Variants in PLA2G15 observed in about 807,000 individuals in gnomAD.
PLA2G15 encodes lysosomal phospholipase A and acyltransferase.
Under a neutral mutation model 40.9 loss-of-function variants are expected in PLA2G15, and 20 were observed. The observed-to-expected ratio is 0.49, with a 90% CI of 0.34 to 0.71. The LOEUF is 0.71. Ranked by LOEUF, PLA2G15 falls within the 30% of genes least tolerant of loss-of-function variation. PLA2G15 has a pLI of 0.01. For synonymous variants in PLA2G15, 223 were observed against 228.2 expected (o/e 0.98, Z 0.21); for missense variants, 471 against 541.9 (o/e 0.87, Z 1.30).
At chr16:68,249,605 A>G (rs561416602) in intron 2 of PLA2G15, among the ~76,000 whole-genome samples, 159 bp downstream of exon 2, 1 of 151,396 alleles carries the variant, frequency 6.6e-6, no homozygotes, top group South Asian at 2.1e-4. Context: ...CCACCTCTGC[A>G]CTCCCAGGCA....
At chr16:68,245,702 T>C in intron 1 of PLA2G15, 149 bp downstream of exon 1, 2 of 953,286 alleles carry the variant, frequency 2.1e-6, no homozygotes, top group East Asian at 2.6e-5. Flanking sequence ...ATCTGCCGGC[T>C]CACCTCCCGC....
intron 5 of PLA2G15, among the ~76,000 whole-genome samples, chr16:68,257,780 C>T (rs1323883823): frequency 3.3e-5 from 5 of 152,188 alleles, no homozygotes; most frequent in Admixed American, 2.0e-4. Context: ...CCTGGAGGGA[C>T]GGATGTGGGC....
At position 68,259,935 on chromosome 16, in the gene PLA2G15, C is replaced by T. The variant is rs928201418; in HGVS notation, c.*278C>T. The T allele has an allele frequency of 1.8e-5, 9 of 495,730 alleles. No homozygotes were observed. Among genetic ancestry groups the T allele is most frequent in the African/African-American group, 1.7e-4 (9 of 51,676 alleles). 30.7% of individuals were successfully genotyped at this position (495,730 alleles called of 1,614,324 possible). The stretch of plus-strand genomic sequence containing the variant: ...CTTAGGACTGGCTCCACAGGGTGGA[C>T]TGGCTGGGCCCTGGTCCCAGTCCCT... On this transcript the variant is annotated 3_prime_UTR_variant, in exon 6 of 6. Transcript: ENST00000219345. This position sits in a 1 kb window ranked among gnomAD's most constrained non-coding sequence, Gnocchi z 6.5.
Position 68,255,160 on chromosome 16 carries a change from G to A in PLA2G15, c.404-122G>A. 1 of 970,880 alleles carries A rather than the reference G, an allele frequency of 1.0e-6. No homozygotes were observed. The highest frequency in any genetic ancestry group is 1.7e-6 in the Non-Finnish European group (1 of 605,872). 60.1% of individuals were successfully genotyped at this position (970,880 alleles called of 1,614,324 possible). ...CTGTGAGCTGTCTCTGATCAGCGTGGGCACAGAGCCCTGTAGCATTCTTCC... is the reference window on the plus strand; with the variant it reads ...CTGTGAGCTGTCTCTGATCAGCGTGAGCACAGAGCCCTGTAGCATTCTTCC... On this transcript the variant is annotated intron_variant, in intron 3 of 5. Coordinates refer to ENST00000219345, the MANE Select transcript of PLA2G15 (RefSeq NM_012320.4). The surrounding 1 kb of genome is among the most constrained non-coding windows in gnomAD (Gnocchi z 5.9).
At chr16:68,245,772 A>T (rs1349094884) in intron 1 of PLA2G15, among the ~76,000 whole-genome samples, 1 of 152,076 alleles carries the variant, frequency 6.6e-6, no homozygotes, top group Non-Finnish European at 1.5e-5. Flanking sequence ...AATGGGGGTG[A>T]GTGGGAGAGT....
At chr16:68,252,934 C>T (rs2042367416) in intron 2 of PLA2G15, among the ~76,000 whole-genome samples, 1 of 152,184 alleles carries the variant, frequency 6.6e-6, no homozygotes, top group South Asian at 2.1e-4. Context: ...GATCTCCTCA[C>T]TGTGCTGCAG....
intron 2 of PLA2G15, chr16:68,250,258 A>G (rs1478440858): frequency 6.3e-6 from 2 of 316,336 alleles, no homozygotes; most frequent in Admixed American, 4.5e-5. Context: ...TCGGCTCACA[A>G]CTCTTTTTTT....
rs1211559879 is a variant in PLA2G15 at position 68,255,971 on chromosome 16, C to A, written c.708C>A (p.Thr236=). 2.5e-6 allele frequency: 4 copies of A among 1,604,656 alleles called. No homozygotes were observed. In the African/African-American group the frequency reaches 4.0e-5, roughly 16 times the overall value. ...CGCCCTGGGGGGGCGTGGCCAAGAC[C>A]CTGCGCGTCCTGGCTTCAGGTAAGA... ...LGAPWGGVAK[T]LRVLASGDNN... The change falls in exon 5 of 6, where the codon ACC becomes ACA. Residue 236 remains threonine, a synonymous_variant. Transcript: ENST00000219345. The surrounding 1 kb of genome is among the most constrained non-coding windows in gnomAD (Gnocchi z 5.9).
chr16:68,256,986 T>G (rs1423475129), intron 5 of PLA2G15, among the ~76,000 whole-genome samples: 1 of 150,786 alleles, frequency 6.6e-6, no homozygotes, highest in Non-Finnish European at 1.5e-5. Flanking sequence ...GTTCAAGTGA[T>G]TCTCCTGCCT....
chr16:68,253,425 G>A, intron 2 of PLA2G15: 1 of 437,496 alleles, frequency 2.3e-6, no homozygotes, highest in Admixed American at 2.5e-5. Flanking sequence ...TGCCCAGGCT[G>A]GAGTGCAGTG....
Position 68,249,355 on chromosome 16 carries a change from T to A in PLA2G15, c.193T>A (p.Cys65Ser). The A allele has an allele frequency of 6.2e-7, 1 of 1,614,158 alleles. No homozygotes were observed. The highest frequency in any genetic ancestry group is 8.5e-7 in the Non-Finnish European group (1 of 1,180,006). ...LDKPTVVHYL[C>S]SKKTESYFTI... ...CAAGCCGACAGTGGTGCACTACCTC[T>A]GCTCCAAGAAGACCGAAAGCTACTT... The change falls in exon 2 of 6, where the codon TGC becomes AGC. Residue 65 changes from cysteine (C) to serine (S), a missense_variant. By Grantham distance (112) the Cys-to-Ser change is moderately radical. Transcript: ENST00000219345.
chr16:68,259,339 C>T lies in PLA2G15; in HGVS notation c.921C>T (p.Gly307=), dbSNP rs1012498523. 1 of 1,613,938 alleles carries T rather than the reference C, an allele frequency of 6.2e-7. No homozygotes were observed. Among genetic ancestry groups the T allele is most frequent in the African/African-American group, 1.3e-5 (1 of 74,956 alleles). Residue 307 remains glycine, a synonymous_variant, in exon 6 of 6, where the codon GGC becomes GGT. Transcript: ENST00000219345. The surrounding 1 kb of genome is among the most constrained non-coding windows in gnomAD (Gnocchi z 6.5). ...TCCAGGACATCGGCTTTGAAGATGG[C>T]TGGCTCATGCGGCAGGACACAGAAG... The part of the protein sequence containing the change: ...KFFQDIGFED[G]WLMRQDTEGL...
intron 2 of PLA2G15, chr16:68,250,459 G>T: frequency 4.4e-6 from 1 of 228,154 alleles, no homozygotes; most frequent in South Asian, 4.1e-5. Context: ...TTTTAGTAGA[G>T]ACAGGGTTTC....
In PLA2G15 at chr16:68,245,413, G is replaced by A; in HGVS notation, c.-14G>A. ...TGAACCTGCATCCCGGACCTGCGGC[G>A]ACCGTCGTACACCATGGGCCTCCAC... On this transcript the variant is annotated 5_prime_UTR_variant, in exon 1 of 6. Coordinates refer to ENST00000219345, the MANE Select transcript of PLA2G15 (RefSeq NM_012320.4). 6.2e-7 allele frequency: 1 copy of A among 1,601,728 alleles called. No homozygotes were observed. The highest frequency in any genetic ancestry group is 1.1e-5 in the South Asian group (1 of 91,030).
In PLA2G15 at chr16:68,254,971, G is replaced by A. The variant is rs768516163; in HGVS notation, c.337G>A (p.Val113Ile). 3.7e-6 allele frequency: 6 copies of A among 1,614,066 alleles called. No homozygotes were observed. In the South Asian group the frequency reaches 4.4e-5, roughly 12 times the overall value. Residue 113 changes from valine (V) to isoleucine (I), a missense_variant, in exon 3 of 6, where the codon GTA (valine) becomes ATA (isoleucine). By Grantham distance (29) the Val-to-Ile change is conservative. Transcript: ENST00000219345. ...RATQFPDGVD[V>I]RVPGFGKTFS... ...CACCCAGTTTCCTGATGGTGTGGAT[G>A]TACGTGTCCCTGGCTTTGGGAAGAC...
At position 68,259,546 on chromosome 16, in the gene PLA2G15, C is replaced by T; in HGVS notation, c.1128C>T (p.Ser376=). 1 of 1,613,316 alleles carries T rather than the reference C, an allele frequency of 6.2e-7. No homozygotes were observed. The highest frequency in any genetic ancestry group is 8.5e-7 in the Non-Finnish European group (1 of 1,180,030). The change falls in exon 6 of 6, where the codon AGC becomes AGT. Residue 376 remains serine, a synonymous_variant. Coordinates refer to ENST00000219345, the MANE Select transcript of PLA2G15 (RefSeq NM_012320.4). This position sits in a 1 kb window ranked among gnomAD's most constrained non-coding sequence, Gnocchi z 6.5. ...CCCTGCAGTGCCAGGCCTGGCAGAG[C>T]CGCCAGGAGCACCAAGTGTTGCTGC... is the stretch of plus-strand genomic sequence containing the variant. ...KSALQCQAWQ[S]RQEHQVLLQE... is the part of the protein sequence containing the mutation.
Position 68,249,274 on chromosome 16 carries a change from C to T in PLA2G15, c.128-16C>T. 1.2e-6 allele frequency: 2 copies of T among 1,613,314 alleles called. No homozygotes were observed. The highest frequency in any genetic ancestry group is 3.3e-5 in the Admixed American group (2 of 60,000). The stretch of plus-strand genomic sequence containing the variant: ...TGCCGGGCTGAGGGCTCACACATGT[C>T]CTGTGCCCCCTGCAGTCCCTGGTGA... On this transcript the variant is annotated splice_polypyrimidine_tract_variant and intron_variant, in intron 1 of 5. Coordinates refer to ENST00000219345, the MANE Select transcript of PLA2G15 (RefSeq NM_012320.4).
At position 68,259,243 on chromosome 16, in the gene PLA2G15, A is replaced by C. The variant is rs1444321307; in HGVS notation, c.825A>C (p.Thr275=). ...GCTGGCTGCTGCCCTACAACTACAC[A>C]TGGTCACCTGAGAAGGTGTTCGTGC... The part of the protein sequence containing the change: ...STSWLLPYNY[T]WSPEKVFVQT... The change falls in exon 6 of 6, where the codon ACA becomes ACC. Residue 275 remains threonine, a synonymous_variant. Coordinates refer to ENST00000219345, the MANE Select transcript of PLA2G15 (RefSeq NM_012320.4). The surrounding 1 kb of genome is among the most constrained non-coding windows in gnomAD (Gnocchi z 6.5). 18 of 1,613,710 alleles carry C rather than the reference A, an allele frequency of 1.1e-5. No individual in the cohort carries two copies. The highest frequency in any genetic ancestry group is 8.9e-5 in the East Asian group (4 of 44,888).
Position 68,259,982 on chromosome 16 carries a change from C to A in PLA2G15, c.*325C>A. On this transcript the variant is annotated 3_prime_UTR_variant, in exon 6 of 6. Coordinates refer to ENST00000219345, the MANE Select transcript of PLA2G15 (RefSeq NM_012320.4). The surrounding 1 kb of genome is among the most constrained non-coding windows in gnomAD (Gnocchi z 6.5). ...CCCTGCCTGGGGCCATGTGTCCCCC[C>A]TATTCCTGTGGGCTTTTCATACTTG... 2.6e-6 allele frequency: 1 copy of A among 390,070 alleles called. No individual in the cohort carries two copies. Among genetic ancestry groups the A allele is most frequent in the Non-Finnish European group, 4.7e-6 (1 of 212,018 alleles). The allele number at this position is 390,070 out of a possible 1,614,324, so 24.2% of individuals were successfully genotyped here.
Sources: allele counts gnomAD v4.1 joint callset (sites outside exome capture counted in the v4.1 genomes callset), GRCh38; gene constraint gnomAD v4.1.1; non-coding constraint Gnocchi (gnomAD v3.1); transcripts MANE v1.5; gene names NCBI Gene and HGNC (gene_info 2026-07-23, HGNC 2026-07-21).